The following CADM2 variants were observed in gnomAD, a reference collection of about 807,000 sequenced individuals.
CADM2 encodes the protein cell adhesion molecule 2.
CADM2 carries 12 observed loss-of-function variants against 49.8 expected under a neutral mutation model. The observed-to-expected ratio is 0.24, with a 90% CI of 0.15 to 0.39. The LOEUF (loss-of-function observed/expected upper bound fraction) is 0.39. CADM2 is among the 10% of genes least tolerant of loss of function. The pLI, the probability that CADM2 is intolerant of heterozygous loss-of-function variation, is 1.00. For synonymous variants in CADM2, 214 were observed against 175.4 expected (o/e 1.22, Z -1.74); for missense variants, 378 against 492.3 (o/e 0.77, Z 2.20).
At chr3:85,035,024 A>G (rs762628655) in intron 1 of CADM2, among the ~76,000 whole-genome samples, 5 of 151,910 alleles carry the variant, frequency 3.3e-5, no homozygotes, top group Non-Finnish European at 5.9e-5. Flanking sequence ...GCTGGTCTCG[A>G]AGTCCTGATC....
intron 1 of CADM2, among the ~76,000 whole-genome samples, chr3:85,513,824 G>A (rs1425664870): frequency 6.6e-6 from 1 of 151,904 alleles, no homozygotes; most frequent in East Asian, 1.9e-4. Flanking sequence ...ATTTGATTTA[G>A]CAACATCTGT....
intron 1 of CADM2, among the ~76,000 whole-genome samples, chr3:85,420,488 T>C (rs2036119571): frequency 6.6e-6 from 1 of 152,206 alleles, no homozygotes; most frequent in Admixed American, 6.5e-5. Context: ...TTTCTATTTG[T>C]ATGTCCCATG....
chr3:85,820,133 G>A (rs966676161), intron 3 of CADM2, among the ~76,000 whole-genome samples: 2 of 152,060 alleles, frequency 1.3e-5, no homozygotes, highest in Admixed American at 1.3e-4. Context: ...AGCTCAGCCA[G>A]CGTGAGCAGA....
At chr3:85,834,840 A>T (rs547324424) in intron 3 of CADM2, among the ~76,000 whole-genome samples, 2 of 151,778 alleles carry the variant, frequency 1.3e-5, no homozygotes, top group Admixed American at 1.3e-4. Flanking sequence ...GTCACAGGTG[A>T]CATCTTTAAT....
intron 1 of CADM2, among the ~76,000 whole-genome samples, chr3:85,051,728 A>G (rs2035889212): frequency 6.6e-6 from 1 of 152,204 alleles, no homozygotes; most frequent in Admixed American, 6.5e-5. Flanking sequence ...CCATGAGGCA[A>G]ATTTCAATTA....
At chr3:84,969,768 A>G (rs543693629) in intron 1 of CADM2, among the ~76,000 whole-genome samples, 5 of 152,094 alleles carry the variant, frequency 3.3e-5, no homozygotes, top group African/African-American at 7.2e-5. Context: ...ATATGAATTA[A>G]TTGCTTTCAG....
At chr3:85,475,138 C>T (rs1178607317) in intron 1 of CADM2, among the ~76,000 whole-genome samples, 1 of 151,820 alleles carries the variant, frequency 6.6e-6, no homozygotes, top group Non-Finnish European at 1.5e-5. Flanking sequence ...TGTTTTGTGG[C>T]AATATATAGA....
intron 1 of CADM2, among the ~76,000 whole-genome samples, chr3:85,237,146 G>A (rs142424590): frequency 1.3e-5 from 2 of 152,128 alleles, no homozygotes; most frequent in African/African-American, 2.4e-5. Context: ...AGTTTTCAAA[G>A]TTAGGCCAGC....
intron 1 of CADM2, among the ~76,000 whole-genome samples, chr3:85,623,638 C>T (rs772748024): frequency 6.6e-6 from 1 of 152,052 alleles, no homozygotes; most frequent in African/African-American, 2.4e-5. Context: ...CCTCTTATGT[C>T]GAGTTTCTTG....
At chr3:85,245,295 G>A (rs931288140) in intron 1 of CADM2, among the ~76,000 whole-genome samples, 3 of 151,994 alleles carry the variant, frequency 2.0e-5, no homozygotes, top group Non-Finnish European at 4.4e-5. Context: ...GGCGGATCAC[G>A]AGGTCAGGAG....
intron 7 of CADM2, among the ~76,000 whole-genome samples, chr3:85,957,560 A>C (rs777998748): frequency 5.9e-5 from 9 of 151,740 alleles, no homozygotes; most frequent in Non-Finnish European, 8.8e-5. Flanking sequence ...CCCCACCAAC[A>C]ATCAGTTTTT....
chr3:84,967,749 T>G (rs2031112297), intron 1 of CADM2, among the ~76,000 whole-genome samples: 1 of 152,106 alleles, frequency 6.6e-6, no homozygotes, highest in African/African-American at 2.4e-5. Flanking sequence ...ATGTACAGAT[T>G]GGGTGTTTTT....
intron 1 of CADM2, among the ~76,000 whole-genome samples, chr3:85,351,075 T>A (rs998397782): frequency 2.0e-5 from 3 of 152,190 alleles, no homozygotes; most frequent in African/African-American, 7.2e-5. Flanking sequence ...GTTTATCACT[T>A]AGTGCCATCG....
At chr3:85,455,216 C>G (rs973368774) in intron 1 of CADM2, among the ~76,000 whole-genome samples, 1 of 152,112 alleles carries the variant, frequency 6.6e-6, no homozygotes, top group Non-Finnish European at 1.5e-5. Flanking sequence ...CACAATAAAA[C>G]ACAAATGCAA....
At chr3:85,744,538 TAAA>T in intron 2 of CADM2, among the ~76,000 whole-genome samples, 2 of 151,742 alleles carry the variant, frequency 1.3e-5, no homozygotes, top group African/African-American at 4.8e-5. Flanking sequence ...AAATAATAAA[TAAA>T]TAAATAAATA....
chr3:85,413,161 A>AAAT lies in CADM2; in HGVS notation c.62-313338_62-313336dup, dbSNP rs1206383142. On this transcript the variant is annotated intron_variant, in intron 1 of 9. Transcript: ENST00000383699. ...CTCAAAAAAAAAAAAAAAAAAAAAA[A>AAAT]AATAATAATAATAATAATAATAATA... 2.4e-3 allele frequency among the ~76,000 whole-genome samples: 265 copies of AAAT among 108,492 alleles called. 6 individuals are homozygous for AAAT. The highest frequency in any genetic ancestry group is 8.8e-3 in the African/African-American group (216 of 24,620). 71.2% of individuals were successfully genotyped at this position (108,492 alleles called of 152,430 possible).
chr3:85,528,275 TA>T, intron 1 of CADM2, among the ~76,000 whole-genome samples: 1 of 152,212 alleles, frequency 6.6e-6, no homozygotes, highest in East Asian at 1.9e-4. Context: ...GGAAAAATCC[TA>T]AAGTAGCTTA....
chr3:85,049,999 G>A (rs2035821055), intron 1 of CADM2, among the ~76,000 whole-genome samples: 1 of 151,872 alleles, frequency 6.6e-6, no homozygotes, highest in Non-Finnish European at 1.5e-5. Context: ...TCTTGACCAC[G>A]AGGAAAATAA....
intron 1 of CADM2, among the ~76,000 whole-genome samples, chr3:85,716,813 T>C (rs1217698245): frequency 1.3e-5 from 2 of 152,108 alleles, no homozygotes; most frequent in Non-Finnish European, 2.9e-5. Context: ...TATAGATGCA[T>C]GGTGCAATTT....
Sources: gnomAD v4.1 joint callset for allele counts (sites outside exome capture counted in the v4.1 genomes callset) on GRCh38, gnomAD v4.1.1 for gene constraint, MANE v1.5 for transcripts, NCBI Gene and HGNC (gene_info 2026-07-23, HGNC 2026-07-21) for gene names.